Variants in FGF13 observed in about 807,000 individuals in gnomAD.
FGF13 encodes fibroblast growth factor homologous factor 2.
In FGF13, 2 loss-of-function variants were observed where a neutral mutation model predicts 19.5. The ratio of observed to expected loss-of-function variants is 0.10; its 90% CI spans 0.04 to 0.32. The LOEUF (loss-of-function observed/expected upper bound fraction) is 0.32, where lower values mean the gene tolerates loss of function less well. FGF13 is among the 10% of genes least tolerant of loss of function. FGF13 has a pLI of 1.00. For synonymous variants in FGF13, 72 were observed against 76.9 expected (o/e 0.94, Z 0.33); for missense variants, 113 against 192.7 (o/e 0.59, Z 2.45).
rs1187320216 is a variant in FGF13, at chrX:138,911,895, T to C, written c.-112-47245A>G. Among the ~76,000 whole-genome samples, 13 of 112,036 alleles carry C rather than the reference T, an allele frequency of 1.2e-4. No individual in the cohort carries two copies. In the Admixed American group the frequency reaches 1.2e-3, roughly 11 times the overall value. ...CTCAGGAATAATTCCTTGACTTAAA[T>C]GCATATGGAAATGTCCAATACATAT... On this transcript the variant is annotated intron_variant, in intron 1 of 2. Coordinates refer to the FGF13 transcript ENST00000421460.
chrX:139,061,956 A>G (rs1035024906), intron 1 of FGF13, among the ~76,000 whole-genome samples: 60 of 110,396 alleles, frequency 5.4e-4, no homozygotes, highest in African/African-American at 1.9e-3. Context: ...CTCCTTATAT[A>G]TTTTGAACAT....
rs2091891250 is a variant in FGF13, at chrX:138,965,519, A to G, written c.-112-100869T>C. Among the ~76,000 whole-genome samples, 5 of 112,053 alleles carry G rather than the reference A, an allele frequency of 4.5e-5. No homozygotes were observed. The Admixed American group carries it at 4.7e-4, about 11-fold the overall frequency. On this transcript the variant is annotated intron_variant, in intron 1 of 2. Transcript: ENST00000421460. ...CCGTCTATATTCTCATTTAAGTCCAATGTTATTGAGCAAGTGGTTTCTTGC... is the reference window on the plus strand; with the variant it reads ...CCGTCTATATTCTCATTTAAGTCCAGTGTTATTGAGCAAGTGGTTTCTTGC...
rs189057638 is a variant in FGF13, at chrX:138,661,414, T to C, written c.403-25759A>G. ...GACTTACGGCTAACGAAGGCTTCAG[T>C]TTCTTAAGTTCTGATGCTAAGTCCA... is the stretch of plus-strand genomic sequence containing the variant. On this transcript the variant is annotated intron_variant, in intron 3 of 4. Coordinates refer to ENST00000315930, the MANE Select transcript of FGF13 (RefSeq NM_004114.5). 1.1e-4 allele frequency among the ~76,000 whole-genome samples: 12 copies of C among 112,070 alleles called. No homozygotes were observed. The East Asian group carries it at 2.3e-3, about 21-fold the overall frequency.
At chrX:138,998,700 C>T (rs756177487) in intron 1 of FGF13, among the ~76,000 whole-genome samples, 1 of 111,194 alleles carries the variant, frequency 9.0e-6, no homozygotes, top group Admixed American at 9.6e-5. Flanking sequence ...CCTTAGAGAC[C>T]TACAAAGAGA....
rs182150814 is a variant in FGF13, at chrX:139,047,957, C to T, written c.-113+155459G>A. On this transcript the variant is annotated intron_variant, in intron 1 of 2. Transcript: ENST00000421460. ...TATTTTTATATTAGTAACATCAAGA[C>T]TTTCTTCTATCAGATGTATGCAAAT... Among the ~76,000 whole-genome samples, 255 of 111,158 alleles carry T rather than the reference C, an allele frequency of 2.3e-3. 4 individuals carry two copies. Among genetic ancestry groups the T allele is most frequent in the African/African-American group, 7.8e-3 (238 of 30,580 alleles).
At chrX:138,981,220 A>G (rs2091962127) in intron 1 of FGF13, among the ~76,000 whole-genome samples, 1 of 110,034 alleles carries the variant, frequency 9.1e-6, no homozygotes, top group Non-Finnish European at 1.9e-5. Flanking sequence ...ATAGAGGAAA[A>G]GGGTACTCTA....
At chrX:138,876,022 A>T (rs1215722271) in intron 1 of FGF13, among the ~76,000 whole-genome samples, 1 of 110,672 alleles carries the variant, frequency 9.0e-6, no homozygotes, top group East Asian at 2.8e-4. Context: ...ACACACACAC[A>T]CACACACACA....
upstream of FGF13, chrX:138,715,963 C>G (rs1301406377): frequency 8.9e-6 from 1 of 112,058 alleles, no homozygotes; most frequent in Admixed American, 9.5e-5. Flanking sequence ...GACAGAAACC[C>G]AAACAGATGT....
chrX:139,117,951 A>T (rs1011833365), intron 1 of FGF13, among the ~76,000 whole-genome samples: 5 of 111,688 alleles, frequency 4.5e-5, no homozygotes, highest in African/African-American at 1.6e-4. Context: ...GGATAAGGAG[A>T]TCTCAAGAAC....
intron 1 of FGF13, among the ~76,000 whole-genome samples, chrX:139,080,270 C>A (rs1261723402): frequency 8.9e-6 from 1 of 111,814 alleles, no homozygotes; most frequent in Non-Finnish European, 1.9e-5. Flanking sequence ...TTTTATTCTT[C>A]CATGCCAATC....
At chrX:139,127,095 A>G (rs985645501) in intron 1 of FGF13, among the ~76,000 whole-genome samples, 2 of 111,604 alleles carry the variant, frequency 1.8e-5, no homozygotes, top group Non-Finnish European at 1.9e-5. Context: ...AGTGCCGCAG[A>G]AAAAAAGCAC....
intron 1 of FGF13, among the ~76,000 whole-genome samples, chrX:139,093,795 A>ACACC (rs1339704381): frequency 2.7e-5 from 3 of 111,840 alleles, no homozygotes; most frequent in African/African-American, 9.8e-5. Context: ...TGCTGTCACA[A>ACACC]CACCCCCCAT....
At chrX:138,794,184 G>A (rs2090760985) in intron 3 of FGF13, among the ~76,000 whole-genome samples, 1 of 111,899 alleles carries the variant, frequency 8.9e-6, no homozygotes, top group Non-Finnish European at 1.9e-5. Context: ...TCTGGTAATT[G>A]TTTCTCAGAT....
intron 1 of FGF13, among the ~76,000 whole-genome samples, chrX:139,049,902 C>G (rs929225373): frequency 8.9e-6 from 1 of 112,441 alleles, no homozygotes; most frequent in Admixed American, 9.4e-5. Flanking sequence ...TTTCCTGCCA[C>G]AGTCCAAAGC....
intron 3 of FGF13, among the ~76,000 whole-genome samples, chrX:138,792,430 A>T (rs745336097): frequency 5.9e-4 from 66 of 111,576 alleles, no homozygotes; most frequent in Non-Finnish European, 1.1e-3. Context: ...CAAAGCCTAG[A>T]TATTTTTTTC....
At chrX:139,107,411 A>T (rs905974352) in intron 1 of FGF13, among the ~76,000 whole-genome samples, 23 of 112,326 alleles carry the variant, frequency 2.0e-4, no homozygotes, top group Non-Finnish European at 4.1e-4. Context: ...GTAATCAGAA[A>T]GCCTTAGGTC....
chrX:138,714,624 G>C (rs773641064), upstream of FGF13: 1 of 111,868 alleles, frequency 8.9e-6, no homozygotes, highest in Non-Finnish European at 1.9e-5. Flanking sequence ...CAGCCTGGGC[G>C]ATAAGAGCGA....
chrX:139,153,016 G>A (rs1377839586), intron 1 of FGF13, among the ~76,000 whole-genome samples: 2 of 111,238 alleles, frequency 1.8e-5, no homozygotes, highest in Non-Finnish European at 3.8e-5. Flanking sequence ...GTCTAGCACT[G>A]TTTAGGTGCT....
chrX:138,723,656 A>C lies in FGF13; in HGVS notation c.29-14728T>G, dbSNP rs755963815. Among the ~76,000 whole-genome samples the C allele has an allele frequency of 4.5e-5, 5 of 111,909 alleles. No homozygotes were observed. In the East Asian group the frequency reaches 1.4e-3, roughly 32 times the overall value. On this transcript the variant is annotated intron_variant, in intron 1 of 4. Transcript: ENST00000305414. ...AACAACTTAATTAAGTCTCGAGGGGAAAAAAAGGTCAACAGAAAAATAAAA... is the reference window on the plus strand; with the variant it reads ...AACAACTTAATTAAGTCTCGAGGGGCAAAAAAGGTCAACAGAAAAATAAAA...
Sources: allele counts gnomAD v4.1 joint callset (sites outside exome capture counted in the v4.1 genomes callset), GRCh38; gene constraint gnomAD v4.1.1; transcripts MANE v1.5; gene names NCBI Gene and HGNC (gene_info 2026-07-23, HGNC 2026-07-21).